KCNIP4: variants seen among roughly 807,000 people sequenced by gnomAD.
The protein encoded by KCNIP4 is potassium voltage-gated channel interacting protein 4.
KCNIP4 carries 12 observed loss-of-function variants against 34.0 expected under a neutral mutation model. That is an observed-to-expected ratio of 0.35 (90% CI 0.23 to 0.57). The LOEUF (loss-of-function observed/expected upper bound fraction) is 0.57, where lower values mean the gene tolerates loss of function less well. Among genes scored for constraint, KCNIP4 ranks in the 20% least tolerant of loss-of-function variants. The pLI, the probability that KCNIP4 is intolerant of heterozygous loss-of-function variation, is 0.83. For missense variants in KCNIP4, 238 were observed against 311.7 expected (o/e 0.76, Z 1.78); for synonymous variants, 124 against 102.2 (o/e 1.21, Z -1.29).
chr4:20,873,952 A>C (rs1723742931), intron 2 of KCNIP4, among the ~76,000 whole-genome samples: 1 of 152,138 alleles, frequency 6.6e-6, no homozygotes, highest in African/African-American at 2.4e-5. Flanking sequence ...TCTTCTCCAG[A>C]GGGCCCTGCT....
At chr4:21,592,674 C>T (rs1159643239) in intron 1 of KCNIP4, among the ~76,000 whole-genome samples, 1 of 152,088 alleles carries the variant, frequency 6.6e-6, no homozygotes, top group Non-Finnish European at 1.5e-5. Flanking sequence ...AAGAAAGCTG[C>T]ATATTTAATC....
chr4:21,173,162 G>A (rs1288016909), intron 1 of KCNIP4, among the ~76,000 whole-genome samples: 2 of 152,048 alleles, frequency 1.3e-5, no homozygotes, highest in Admixed American at 6.6e-5. Flanking sequence ...TTAACTGCAA[G>A]GGAAGCTGAA....
In KCNIP4 at chr4:21,227,342, G is replaced by A. The variant is rs141065405; in HGVS notation, c.62-344633C>T. ...CTTTTCCAATTCTGCATTAATAGATGTTTAACTTGGCCCAGAGCAGGAGCA... is the reference window on the plus strand; with the variant it reads ...CTTTTCCAATTCTGCATTAATAGATATTTAACTTGGCCCAGAGCAGGAGCA... On this transcript the variant is annotated intron_variant, in intron 1 of 8. Transcript: ENST00000382152. Among the ~76,000 whole-genome samples the A allele has an allele frequency of 3.5e-3, 531 of 152,278 alleles. 4 individuals carry two copies. Among genetic ancestry groups the A allele is most frequent in the South Asian group, 0.021 (102 of 4,828 alleles).
chr4:21,470,181 T>TAGAAAGGAG (rs1560437398), intron 1 of KCNIP4, among the ~76,000 whole-genome samples: 2 of 152,144 alleles, frequency 1.3e-5, no homozygotes, highest in Non-Finnish European at 2.9e-5. Flanking sequence ...AGGTTGGTAC[T>TAGAAAGGAG]GCCGGTTCAG....
chr4:21,464,527 A>G (rs1025627676), intron 1 of KCNIP4, among the ~76,000 whole-genome samples: 1 of 151,988 alleles, frequency 6.6e-6, no homozygotes, highest in African/African-American at 2.4e-5. Flanking sequence ...CTGATTTCTC[A>G]TTTCATTCCA....
rs529105262 is a variant in KCNIP4, at chr4:21,069,051, G to A, written c.62-186342C>T. ...ATCTAAAAAAGGGGCAGATAAAAAT[G>A]TTACTTTCTTCTCAAGGTTATTGTA... On this transcript the variant is annotated intron_variant, in intron 1 of 8. Coordinates refer to ENST00000382152, the MANE Select transcript of KCNIP4 (RefSeq NM_025221.6). 1.6e-4 allele frequency among the ~76,000 whole-genome samples: 25 copies of A among 152,230 alleles called. No homozygotes were observed. The South Asian group carries it at 5.2e-3, about 32-fold the overall frequency.
At chr4:20,781,661 T>A (rs1756884658) in intron 3 of KCNIP4, among the ~76,000 whole-genome samples, 3 of 152,138 alleles carry the variant, frequency 2.0e-5, no homozygotes, top group Non-Finnish European at 4.4e-5. Context: ...AACCACCCCA[T>A]GATTCAAATT....
At chr4:21,800,946 C>A (rs1720952821) in intron 1 of KCNIP4, among the ~76,000 whole-genome samples, 1 of 152,178 alleles carries the variant, frequency 6.6e-6, no homozygotes, top group South Asian at 2.1e-4. Context: ...GTCTCTCCTG[C>A]CTTCTTTAGT....
chr4:21,324,280 G>T (rs1479760577), intron 1 of KCNIP4, among the ~76,000 whole-genome samples: 1 of 151,794 alleles, frequency 6.6e-6, no homozygotes, highest in Non-Finnish European at 1.5e-5. Flanking sequence ...TTTTTGCTTT[G>T]GTTGCCTGTG....
At chr4:21,220,567 A>G (rs1757918358) in intron 1 of KCNIP4, among the ~76,000 whole-genome samples, 1 of 151,766 alleles carries the variant, frequency 6.6e-6, no homozygotes, top group African/African-American at 2.4e-5. Context: ...ATAATAAATA[A>G]TAATAATAAT....
At chr4:21,137,871 C>CTTTTTTTTCTTTTTTT (rs144440285) in intron 1 of KCNIP4, among the ~76,000 whole-genome samples, 1 of 118,152 alleles carries the variant, frequency 8.5e-6, no homozygotes, top group African/African-American at 3.6e-5. Context: ...CTTACACAGG[C>CTTTTTTTTCTTTTTTT]TTTTTTGTTT....
chr4:21,327,474 T>C (rs1306007338), intron 1 of KCNIP4, among the ~76,000 whole-genome samples: 2 of 152,060 alleles, frequency 1.3e-5, no homozygotes, highest in South Asian at 4.1e-4. Flanking sequence ...TTTAGGATCC[T>C]TCCTTTATCC....
intron 1 of KCNIP4, among the ~76,000 whole-genome samples, chr4:21,363,083 T>G (rs1719390439): frequency 6.6e-6 from 1 of 152,150 alleles, no homozygotes; most frequent in South Asian, 2.1e-4. Flanking sequence ...ATCTCCTTTT[T>G]GCAAATGAGA....
intron 1 of KCNIP4, among the ~76,000 whole-genome samples, chr4:21,019,737 C>T (rs1053943635): frequency 2.6e-5 from 4 of 151,938 alleles, no homozygotes; most frequent in Admixed American, 2.0e-4. Flanking sequence ...TAAAAAAAAT[C>T]CTCCCAATTT....
intron 1 of KCNIP4, among the ~76,000 whole-genome samples, chr4:21,109,964 A>G (rs1342587279): frequency 6.6e-6 from 1 of 152,156 alleles, no homozygotes; most frequent in African/African-American, 2.4e-5. Context: ...CTCCTATATT[A>G]TTATTTGAAA....
At chr4:21,270,593 T>G (rs529400986) in intron 1 of KCNIP4, among the ~76,000 whole-genome samples, 1 of 152,332 alleles carries the variant, frequency 6.6e-6, no homozygotes, top group Non-Finnish European at 1.5e-5. Context: ...CACCAAAATA[T>G]AATCTGCCAC....
At chr4:21,947,794 C>T (rs1362206774) in intron 1 of KCNIP4, among the ~76,000 whole-genome samples, 3 of 152,180 alleles carry the variant, frequency 2.0e-5, no homozygotes, top group Non-Finnish European at 4.4e-5. Flanking sequence ...CTGTAAAATA[C>T]TCTGTACACA....
intron 3 of KCNIP4, among the ~76,000 whole-genome samples, chr4:20,798,714 A>G (rs1206436128): frequency 6.6e-6 from 1 of 152,150 alleles, no homozygotes; most frequent in African/African-American, 2.4e-5. Flanking sequence ...CTCAGTTGGA[A>G]TCAGCTCAGA....
intron 1 of KCNIP4, among the ~76,000 whole-genome samples, chr4:21,924,032 A>C (rs969920823): frequency 6.6e-6 from 1 of 152,138 alleles, no homozygotes; most frequent in Non-Finnish European, 1.5e-5. Context: ...TTGGGTTTCT[A>C]CTTCTACAAT....
Sources: gnomAD v4.1 joint callset for allele counts (sites outside exome capture counted in the v4.1 genomes callset) on GRCh38, gnomAD v4.1.1 for gene constraint, MANE v1.5 for transcripts, NCBI Gene and HGNC (gene_info 2026-07-23, HGNC 2026-07-21) for gene names.